MDGA2: variants seen among roughly 807,000 people sequenced by gnomAD.
The protein encoded by MDGA2 is MAM domain-containing glycosylphosphatidylinositol anchor protein 2.
Under a neutral mutation model 117.8 loss-of-function variants are expected in MDGA2, and 40 were observed. The observed-to-expected ratio is 0.34, with a 90% CI of 0.26 to 0.44. The LOEUF is 0.44. Ranked by LOEUF, MDGA2 falls within the 20% of genes least tolerant of loss-of-function variation. The pLI is 1.00. For synonymous variants in MDGA2, 452 were observed against 439.0 expected (o/e 1.03, Z -0.37); for missense variants, 1,123 against 1,250.6 (o/e 0.90, Z 1.54).
intron 8 of MDGA2, among the ~76,000 whole-genome samples, chr14:46,998,062 T>C (rs1338394288): frequency 1.3e-5 from 2 of 151,796 alleles, no homozygotes; most frequent in Non-Finnish European, 2.9e-5. Flanking sequence ...GACAAAGAAA[T>C]AGATGGAAGA....
intron 9 of MDGA2, among the ~76,000 whole-genome samples, chr14:46,954,442 A>C (rs1885486612): frequency 6.6e-6 from 1 of 152,102 alleles, no homozygotes. Flanking sequence ...CTATCTTCTC[A>C]CAAGTCTGAA....
intron 1 of MDGA2, among the ~76,000 whole-genome samples, chr14:47,520,472 A>C (rs554027923): frequency 1.3e-5 from 2 of 152,326 alleles, no homozygotes; most frequent in South Asian, 4.1e-4. Flanking sequence ...GCATATTATG[A>C]ACCCATGTGA....
intron 9 of MDGA2, among the ~76,000 whole-genome samples, chr14:46,948,504 G>A (rs1342160373): frequency 6.6e-6 from 1 of 151,768 alleles, no homozygotes; most frequent in East Asian, 1.9e-4. Flanking sequence ...AAATACTCTA[G>A]GTCCAGGCAC....
intron 3 of MDGA2, among the ~76,000 whole-genome samples, chr14:47,165,182 AT>A (rs1165663424): frequency 1.3e-5 from 2 of 152,176 alleles, no homozygotes; most frequent in African/African-American, 4.8e-5. Context: ...GCACACCAAC[AT>A]GGAACATATA....
chr14:47,171,077 C>G (rs1436731252), intron 3 of MDGA2, among the ~76,000 whole-genome samples: 1 of 152,034 alleles, frequency 6.6e-6, no homozygotes, highest in African/African-American at 2.4e-5. Context: ...TACTCATAAG[C>G]CATTGGCTCA....
intron 3 of MDGA2, among the ~76,000 whole-genome samples, chr14:47,158,368 GTGTGT>G (rs1883492816): frequency 1.5e-5 from 2 of 136,280 alleles, no homozygotes; most frequent in African/African-American, 3.0e-5. Context: ...GGGTGGGTGT[GTGTGT>G]GTGTGTGTGT....
intron 1 of MDGA2, among the ~76,000 whole-genome samples, chr14:47,619,639 A>G (rs1897014195): frequency 6.6e-6 from 1 of 152,108 alleles, no homozygotes. Flanking sequence ...ACGTAGCACA[A>G]CTCACAGATG....
intron 9 of MDGA2, among the ~76,000 whole-genome samples, chr14:46,920,584 A>T (rs2138512820): frequency 6.6e-6 from 1 of 152,334 alleles, no homozygotes; most frequent in Middle Eastern, 3.4e-3. Flanking sequence ...ATGCAGATAG[A>T]ATTTAAATTT....
intron 14 of MDGA2, among the ~76,000 whole-genome samples, chr14:46,864,818 C>A (rs1881679234): frequency 6.6e-6 from 1 of 151,930 alleles, no homozygotes; most frequent in Non-Finnish European, 1.5e-5. Flanking sequence ...ATGGAGAACA[C>A]TAAGGAGCCT....
chr14:47,361,433 T>C (rs1013316267), intron 1 of MDGA2, among the ~76,000 whole-genome samples: 2 of 152,058 alleles, frequency 1.3e-5, no homozygotes, highest in African/African-American at 4.8e-5. Context: ...AGCCATCCAG[T>C]CTGTGGTATT....
At chr14:46,854,628 G>T (rs562676887) in intron 15 of MDGA2, among the ~76,000 whole-genome samples, 2 of 151,816 alleles carry the variant, frequency 1.3e-5, no homozygotes, top group East Asian at 1.9e-4. Flanking sequence ...ACTTTTTGTT[G>T]TAAGTATATA....
chr14:46,937,906 A>C (rs375562034), intron 9 of MDGA2, among the ~76,000 whole-genome samples: 1 of 151,998 alleles, frequency 6.6e-6, no homozygotes, highest in African/African-American at 2.4e-5. Context: ...GATTTTATGA[A>C]TAAGACTTCA....
In MDGA2 at chr14:47,144,137, C is replaced by T; in HGVS notation, c.733G>A (p.Glu245Lys). 1 of 1,551,256 alleles carries T rather than the reference C, an allele frequency of 6.4e-7. No individual in the cohort carries two copies. ...PVRYSWRRGQEVLLQGSDKGV... is the reference protein window; with the variant it reads ...PVRYSWRRGQKVLLQGSDKGV... ...TTATCAGATCCTTGCAGCAAGACCT[C>T]CTGGCCACGTCTCCAGCTATACCGA... The change falls in exon 4 of 17, where the codon GAG becomes AAG. Residue 245 changes from glutamate to lysine, a missense_variant. This residue lies in a region of MDGA2 where 890 missense variants were observed against 1,050.3 expected (regional missense o/e 0.85). Transcript: ENST00000399232.
intron 3 of MDGA2, among the ~76,000 whole-genome samples, chr14:47,176,584 A>T (rs1421588995): frequency 6.6e-6 from 1 of 152,240 alleles, no homozygotes; most frequent in Non-Finnish European, 1.5e-5. Context: ...GTGTTGGGAA[A>T]ACTGACTGGC....
chr14:46,960,932 G>A (rs937869294), intron 8 of MDGA2, among the ~76,000 whole-genome samples: 3 of 133,182 alleles, frequency 2.3e-5, no homozygotes, highest in African/African-American at 6.5e-5. Context: ...ACATATATGT[G>A]TATGCGTATA....
chr14:46,872,148 C>T (rs182810664), intron 14 of MDGA2, among the ~76,000 whole-genome samples: 3 of 151,932 alleles, frequency 2.0e-5, no homozygotes, highest in East Asian at 1.9e-4. Flanking sequence ...GTTTTCTCCA[C>T]GGTAAAAGAT....
intron 5 of MDGA2, among the ~76,000 whole-genome samples, chr14:47,129,054 T>C (rs1882052316): frequency 6.6e-6 from 1 of 152,102 alleles, no homozygotes. Flanking sequence ...TGTATTTTAA[T>C]GACTTTTAAC....
chr14:46,971,774 G>A (rs1886275292), intron 8 of MDGA2, among the ~76,000 whole-genome samples: 1 of 152,076 alleles, frequency 6.6e-6, no homozygotes, highest in Non-Finnish European at 1.5e-5. Context: ...GTATAGAAAT[G>A]ATAAATATTC....
intron 1 of MDGA2, among the ~76,000 whole-genome samples, chr14:47,543,652 A>T (rs1895397845): frequency 6.6e-6 from 1 of 152,226 alleles, no homozygotes; most frequent in Admixed American, 6.5e-5. Context: ...TAATTCAAAA[A>T]TATCTTGTGT....
Sources: gnomAD v4.1 joint callset for allele counts (sites outside exome capture counted in the v4.1 genomes callset) on GRCh38, gnomAD v4.1.1 for gene constraint, gnomAD v4.1.1 regional missense constraint, MANE v1.5 for transcripts, NCBI Gene and HGNC (gene_info 2026-07-23, HGNC 2026-07-21) for gene names.